DHX57: variants seen among roughly 807,000 people sequenced by gnomAD.
DHX57 encodes putative ATP-dependent RNA helicase DHX57.
In DHX57, 105 loss-of-function variants were observed where a neutral mutation model predicts 156.2. The ratio of observed to expected loss-of-function variants is 0.67; its 90% CI spans 0.57 to 0.79. The LOEUF is 0.79. Ranked by LOEUF, DHX57 falls within the 30% of genes least tolerant of loss-of-function variation. DHX57 has a pLI of 0.00. For synonymous variants in DHX57, 704 were observed against 595.6 expected (o/e 1.18, Z -2.65); for missense variants, 1,847 against 1,661.9 (o/e 1.11, Z -1.94).
chr2:38,848,827 A>C (rs1185836777), intron 9 of DHX57, among the ~76,000 whole-genome samples: 1 of 152,206 alleles, frequency 6.6e-6, no homozygotes, highest in Non-Finnish European at 1.5e-5. Flanking sequence ...CAAAGGTGTC[A>C]GGTGTGGAAT....
At chr2:38,873,695 A>C (rs536078832) in intron 1 of DHX57, among the ~76,000 whole-genome samples, 2 of 152,346 alleles carry the variant, frequency 1.3e-5, no homozygotes, top group East Asian at 3.9e-4. Flanking sequence ...TTGAGCACTT[A>C]TTATGTGCCA....
intron 2 of DHX57, among the ~76,000 whole-genome samples, chr2:38,865,808 T>C (rs569066949): frequency 6.6e-6 from 1 of 152,234 alleles, no homozygotes; most frequent in East Asian, 1.9e-4. Context: ...CTAGATCTTT[T>C]TCTTGAACCT....
Position 38,862,246 on chromosome 2 carries a change from G to A in DHX57, c.471C>T (p.Leu157=), listed in dbSNP as rs770079225. Residue 157 remains leucine (L), a synonymous_variant, in exon 4 of 24, where the codon CTC becomes CTT. Transcript: ENST00000457308. The part of the protein sequence containing the change: ...RYWPAGQEPS[L]VPDLDPLEYA... ...ATTCCAAAGGATCCAAGTCGGGAAC[G>A]AGGGAAGGTTCCTGTCCAGCTGGCC... is the stretch of plus-strand genomic sequence containing the variant. 1.2e-5 allele frequency: 20 copies of A among 1,614,000 alleles called. No individual in the cohort carries two copies. The highest frequency in any genetic ancestry group is 7.7e-5 in the South Asian group (7 of 91,048).
intron 1 of DHX57, among the ~76,000 whole-genome samples, chr2:38,869,713 C>A (rs1389304993): frequency 1.3e-5 from 2 of 152,158 alleles, no homozygotes; most frequent in Admixed American, 1.3e-4. Context: ...TAAGAAGCCC[C>A]TGAAAGGGGA....
chr2:38,829,243 TA>T (rs1671256451), intron 13 of DHX57, among the ~76,000 whole-genome samples: 1 of 143,610 alleles, frequency 7.0e-6, no homozygotes, highest in South Asian at 2.2e-4. Flanking sequence ...GTGCCTGGCC[TA>T]GCTAAGCTCT....
At chr2:38,834,806 G>C (rs1238547926) in intron 13 of DHX57, among the ~76,000 whole-genome samples, 1 of 152,212 alleles carries the variant, frequency 6.6e-6, no homozygotes, top group Non-Finnish European at 1.5e-5. Flanking sequence ...CATTGTGAAA[G>C]AAGAAAAAGA....
chr2:38,848,174 A>G, intron 10 of DHX57, 95 bp downstream of exon 10: 1 of 1,242,332 alleles, frequency 8.0e-7, no homozygotes, highest in Non-Finnish European at 1.1e-6. Flanking sequence ...TCGCTTCTCT[A>G]GAAAGAGGTA....
At chr2:38,824,942 C>T (rs1572645312) in intron 16 of DHX57, among the ~76,000 whole-genome samples, 1 of 152,188 alleles carries the variant, frequency 6.6e-6, no homozygotes, top group Non-Finnish European at 1.5e-5. Context: ...AGCCACCACA[C>T]CCAGCCCAAA....
In DHX57 at chr2:38,858,615, C is replaced by A. The variant is rs578242795; in HGVS notation, c.1587+46G>T. 3 of 1,550,874 alleles carry A rather than the reference C, an allele frequency of 1.9e-6. No homozygotes were observed. In the African/African-American group the frequency reaches 4.2e-5, roughly 22 times the overall value. ...CTCCCTAATTCCTAATCCCATCATC[C>A]AGATATTAGGGAGGCAACGTTACTC... On this transcript the variant is annotated intron_variant, in intron 6 of 23. Coordinates refer to ENST00000457308, the MANE Select transcript of DHX57 (RefSeq NM_198963.3).
intron 13 of DHX57, among the ~76,000 whole-genome samples, chr2:38,837,247 C>T (rs905239040): frequency 5.9e-5 from 9 of 151,862 alleles, no homozygotes; most frequent in African/African-American, 1.9e-4. Flanking sequence ...TCTTTTAATC[C>T]CCAAAATAGT....
At chr2:38,859,741 C>A (rs1382067644) in intron 5 of DHX57, among the ~76,000 whole-genome samples, 1 of 151,780 alleles carries the variant, frequency 6.6e-6, no homozygotes, top group Non-Finnish European at 1.5e-5. Context: ...TGAAGTTTAC[C>A]CAAGGACTCT....
intron 19 of DHX57, chr2:38,816,218 AT>A (rs368002198): frequency 0.19 from 68,861 of 355,498 alleles, 1 homozygote; most frequent in South Asian, 0.29. Flanking sequence ...GTGATTCAAT[AT>A]TTTTTTTTTT....
In DHX57 at chr2:38,826,388, T is replaced by C; in HGVS notation, c.2813+128A>G. On this transcript the variant is annotated intron_variant, in intron 15 of 23. Coordinates refer to ENST00000457308, the MANE Select transcript of DHX57 (RefSeq NM_198963.3). ...CTACACAATCATTCACACATCCACG[T>C]ACAGTTTTCACAAAGTATTTTTTCA... The C allele has an allele frequency of 5.4e-6, 6 of 1,101,268 alleles. No homozygotes were observed. In the South Asian group the frequency reaches 9.4e-5, roughly 17 times the overall value. The allele number at this position is 1,101,268 out of a possible 1,614,324, so 68.2% of individuals were successfully genotyped here.
intron 1 of DHX57, among the ~76,000 whole-genome samples, chr2:38,870,447 CAA>C (rs1558410081): frequency 6.6e-6 from 1 of 152,058 alleles, no homozygotes; most frequent in Non-Finnish European, 1.5e-5. Flanking sequence ...GGTCAAAAGA[CAA>C]AGAGAAAATC....
intron 7 of DHX57, 92 bp downstream of exon 7, chr2:38,856,248 T>G (rs1327813368): frequency 6.6e-7 from 1 of 1,505,540 alleles, no homozygotes. Flanking sequence ...TAAATCCAGC[T>G]ACAGTTTTTA....
chr2:38,846,718 A>G (rs1362879419), intron 11 of DHX57, among the ~76,000 whole-genome samples: 1 of 152,214 alleles, frequency 6.6e-6, no homozygotes, highest in Non-Finnish European at 1.5e-5. Flanking sequence ...TCAAACAGAA[A>G]AAATAGAAGA....
At chr2:38,862,385 A>G (rs1355098072) in intron 3 of DHX57, 52 bp from the exon 4 acceptor site, 4 of 1,411,264 alleles carry the variant, frequency 2.8e-6, no homozygotes, top group Non-Finnish European at 3.7e-6. Flanking sequence ...ACTTACTTCA[A>G]AGAAAAATTT....
intron 7 of DHX57, 102 bp downstream of exon 7, chr2:38,856,238 T>C: frequency 5.4e-6 from 8 of 1,483,688 alleles, no homozygotes; most frequent in Non-Finnish European, 6.3e-6. Flanking sequence ...ATAATATCTA[T>C]AAATCCAGCT....
chr2:38,858,576 G>C, intron 6 of DHX57, 85 bp downstream of exon 6: 1 of 1,470,812 alleles, frequency 6.8e-7, no homozygotes, highest in Non-Finnish European at 9.0e-7. Flanking sequence ...GAATTTTAAG[G>C]AGGGTAGCCA....
Sources: gnomAD v4.1 joint callset for allele counts (sites outside exome capture counted in the v4.1 genomes callset) on GRCh38, gnomAD v4.1.1 for gene constraint, MANE v1.5 for transcripts, NCBI Gene and HGNC (gene_info 2026-07-23, HGNC 2026-07-21) for gene names.